KANSL2: variants seen among roughly 807,000 people sequenced by gnomAD.
The protein encoded by KANSL2 is NSL complex protein NSL2.
In KANSL2, 34 loss-of-function variants were observed where a neutral mutation model predicts 55.6. The ratio of observed to expected loss-of-function variants is 0.61; its 90% CI spans 0.46 to 0.81. The LOEUF (loss-of-function observed/expected upper bound fraction) is 0.81, where lower values mean the gene tolerates loss of function less well. Ranked by LOEUF, KANSL2 falls within the 40% of genes least tolerant of loss-of-function variation. The pLI, the probability that KANSL2 is intolerant of heterozygous loss-of-function variation, is 0.00. For synonymous variants in KANSL2, 209 were observed against 214.3 expected (o/e 0.98, Z 0.22); for missense variants, 502 against 609.9 (o/e 0.82, Z 1.86).
At chr12:48,667,951 C>A (rs996576215) in intron 6 of KANSL2, among the ~76,000 whole-genome samples, 162 bp from the exon 7 acceptor site, 3 of 152,140 alleles carry the variant, frequency 2.0e-5, no homozygotes, top group African/African-American at 7.2e-5. Context: ...ACTTTAAAAC[C>A]TAGTGCATAA....
At chr12:48,654,347 T>C (rs755304455) in intron 9 of KANSL2, 172 bp from the exon 10 acceptor site, 10 of 826,432 alleles carry the variant, frequency 1.2e-5, no homozygotes, top group Admixed American at 8.5e-5. Context: ...GAAGAGCCTA[T>C]TCCTGAGCCT....
At chr12:48,662,782 T>C (rs1939512867) in intron 7 of KANSL2, 5 of 466,990 alleles carry the variant, frequency 1.1e-5, no homozygotes, top group Admixed American at 4.9e-5. Context: ...TTTATATTTA[T>C]ATTTTAATAA....
intron 7 of KANSL2, among the ~76,000 whole-genome samples, chr12:48,665,576 TAAAG>T (rs1037466230): frequency 3.3e-5 from 5 of 151,896 alleles, no homozygotes; most frequent in African/African-American, 7.3e-5. Context: ...AAAAAACAAA[TAAAG>T]AAAATAAGTT....
intron 8 of KANSL2, among the ~76,000 whole-genome samples, chr12:48,657,587 C>A (rs367979123): frequency 1.3e-5 from 2 of 151,156 alleles, no homozygotes; most frequent in African/African-American, 2.4e-5. Flanking sequence ...TTCTCCCATT[C>A]TTTTACTATG....
chr12:48,678,456 TA>T (rs1005015004), intron 4 of KANSL2, among the ~76,000 whole-genome samples: 16 of 150,440 alleles, frequency 1.1e-4, no homozygotes, highest in East Asian at 9.7e-4. Flanking sequence ...TTCTTCTTTT[TA>T]AAAAAAAAAT....
At chr12:48,656,277 GT>G (rs5798084) in intron 8 of KANSL2, among the ~76,000 whole-genome samples, 7,582 of 140,664 alleles carry the variant, frequency 0.054, 333 homozygotes, top group African/African-American at 0.13. Context: ...TTTTTGTTTT[GT>G]TTTTTTTTTT....
In KANSL2 at chr12:48,660,405, C is replaced by A. The variant is rs757084694; in HGVS notation, c.1188G>T (p.Glu396Asp). The change falls in exon 8 of 10, where the codon GAG (glutamate) becomes GAT (aspartate). Residue 396 changes from glutamate (E) to aspartate (D), a missense_variant. Glu to Asp is a conservative substitution (Grantham distance 45). Coordinates refer to ENST00000420613, the MANE Select transcript of KANSL2 (RefSeq NM_017822.4). ...GPMDLYLSAAELQPTESLPLE... is the reference protein window; with the variant it reads ...GPMDLYLSAADLQPTESLPLE... The stretch of plus-strand genomic sequence containing the variant: ...GAGGTAAACTCTCAGTGGGCTGAAG[C>A]TCAGCAGCACTCAAGTACAGATCCA... 1 of 1,613,934 alleles carries A rather than the reference C, an allele frequency of 6.2e-7. No individual in the cohort carries two copies. Among genetic ancestry groups the A allele is most frequent in the Non-Finnish European group, 8.5e-7 (1 of 1,179,858 alleles).
At chr12:48,673,025 G>C (rs7299151) in intron 4 of KANSL2, among the ~76,000 whole-genome samples, 10,497 of 151,914 alleles carry the variant, frequency 0.069, 804 homozygotes, top group African/African-American at 0.19. Context: ...TCCCAAAGTG[G>C]TGGGATTACA....
At chr12:48,679,634 T>C in intron 3 of KANSL2, 21 bp downstream of exon 3, 1 of 1,606,808 alleles carries the variant, frequency 6.2e-7, no homozygotes, top group Non-Finnish European at 8.5e-7. Flanking sequence ...CCTTTTTCAT[T>C]CCAGGAGAGA....
Position 48,682,149 on chromosome 12 carries a change from A to G in KANSL2, c.-10+38T>C. On this transcript the variant is annotated intron_variant, in intron 1 of 9. Coordinates refer to ENST00000420613, the MANE Select transcript of KANSL2 (RefSeq NM_017822.4). Reference sequence around the variant, plus strand: ...ACAAAAAGAGCGAAATAGCAGCCCAACCGCAAGAGCTTAGAGGAAAGAGCA... The same window carrying G: ...ACAAAAAGAGCGAAATAGCAGCCCAGCCGCAAGAGCTTAGAGGAAAGAGCA... 2 of 702,354 alleles carry G rather than the reference A, an allele frequency of 2.8e-6. 1 individual carries two copies. The highest frequency in any genetic ancestry group is 5.4e-5 in the East Asian group (2 of 37,262). The allele number at this position is 702,354 out of a possible 1,614,324, so 43.5% of individuals were successfully genotyped here.
chr12:48,681,283 A>T lies in KANSL2; in HGVS notation c.251+99T>A, dbSNP rs889478523. 8 of 1,396,832 alleles carry T rather than the reference A, an allele frequency of 5.7e-6. No homozygotes were observed. The African/African-American group carries it at 1.0e-4, about 18-fold the overall frequency. 86.5% of individuals were successfully genotyped at this position (1,396,832 alleles called of 1,614,324 possible). On this transcript the variant is annotated intron_variant, in intron 2 of 9. Transcript: ENST00000420613. ...ATACAACCATAACCCCAAATTTACAAGGACAAAATCTCAAACGCGGCAGCT... is the reference window on the plus strand; with the variant it reads ...ATACAACCATAACCCCAAATTTACATGGACAAAATCTCAAACGCGGCAGCT...
chr12:48,657,360 G>A (rs1432424933), intron 8 of KANSL2, among the ~76,000 whole-genome samples: 1 of 152,088 alleles, frequency 6.6e-6, no homozygotes, highest in African/African-American at 2.4e-5. Context: ...AGGAGGCAGA[G>A]GTTGCAGTGA....
At chr12:48,674,816 C>A (rs188758655) in intron 4 of KANSL2, among the ~76,000 whole-genome samples, 1 of 151,960 alleles carries the variant, frequency 6.6e-6, no homozygotes, top group African/African-American at 2.4e-5. Flanking sequence ...ATCCCAGCTA[C>A]TCGGGAGGCT....
At chr12:48,667,375 A>G in intron 7 of KANSL2, 1 of 341,220 alleles carries the variant, frequency 2.9e-6, no homozygotes, top group Admixed American at 3.6e-5. Context: ...ACCTTGAGAC[A>G]ATTACAAATA....
At chr12:48,671,274 T>TAA (rs10648260) in intron 5 of KANSL2, among the ~76,000 whole-genome samples, 38,701 of 142,152 alleles carry the variant, frequency 0.27, 6,343 homozygotes, top group East Asian at 0.73. Flanking sequence ...CCGTCTCAAT[T>TAA]AAAAAAAAAA....
In KANSL2 at chr12:48,669,276, G is replaced by A. The variant is rs1368881761; in HGVS notation, c.710-4C>T. On this transcript the variant is annotated splice_region_variant and splice_polypyrimidine_tract_variant and intron_variant, in intron 5 of 9. Transcript: ENST00000420613. Reference sequence around the variant, plus strand: ...GGGCCAGTCAGGAGACTACTGCCTAGAGTTACAAGAGTCAAGATGTTATTT... The same window carrying A: ...GGGCCAGTCAGGAGACTACTGCCTAAAGTTACAAGAGTCAAGATGTTATTT... 1 of 1,537,692 alleles carries A rather than the reference G, an allele frequency of 6.5e-7. No homozygotes were observed. The highest frequency in any genetic ancestry group is 1.4e-5 in the African/African-American group (1 of 72,604).
chr12:48,667,420 TATAA>T (rs1413050641), intron 7 of KANSL2: 5 of 499,806 alleles, frequency 1.0e-5, no homozygotes, highest in Admixed American at 5.1e-5. Flanking sequence ...GTATTAAGGC[TATAA>T]ATAAATATTA....
rs1338203258 is a variant in KANSL2, at chr12:48,672,421, A to ACATG, written c.546-460_546-459insCATG. 4.4e-3 allele frequency among the ~76,000 whole-genome samples: 494 copies of ACATG among 112,934 alleles called. 2 individuals carry two copies. The highest frequency in any genetic ancestry group is 8.0e-3 in the Non-Finnish European group (423 of 53,142). The allele number at this position is 112,934 out of a possible 152,430, so 74.1% of individuals were successfully genotyped here. A position where few individuals can be genotyped will look rare whatever the true frequency, so the allele number is the denominator to read the frequency against. On this transcript the variant is annotated intron_variant, in intron 4 of 9. Coordinates refer to ENST00000420613, the MANE Select transcript of KANSL2 (RefSeq NM_017822.4). The stretch of plus-strand genomic sequence containing the variant: ...TATATATATATACGTATATATATAT[A>ACATG]TATATATATATATTTTTTTTTTGAG...
At position 48,679,739 on chromosome 12, in the gene KANSL2, G is replaced by C. The variant is rs1423308804; in HGVS notation, c.346C>G (p.Leu116Val). Residue 116 changes from leucine (L) to valine (V), a missense_variant, in exon 3 of 10, where the codon CTG (leucine) becomes GTG (valine). Leu to Val is a conservative substitution (Grantham distance 32). Transcript: ENST00000420613. ...TNPGPVGETL[L>V]CQLSSYAKTE... ...TTAGCATATGAGCTCAGCTGGCACA[G>C]GAGTGTTTCACCCACAGGCCCTGGG... The C allele has an allele frequency of 1.2e-6, 2 of 1,611,784 alleles. No homozygotes were observed. The highest frequency in any genetic ancestry group is 2.7e-5 in the African/African-American group (2 of 74,890).
Sources: allele counts gnomAD v4.1 joint callset (sites outside exome capture counted in the v4.1 genomes callset), GRCh38; gene constraint gnomAD v4.1.1; transcripts MANE v1.5; gene names NCBI Gene and HGNC (gene_info 2026-07-23, HGNC 2026-07-21).